The following RBFOX1 variants were observed in gnomAD, a reference collection of about 807,000 sequenced individuals.
The protein encoded by RBFOX1 is RNA binding protein fox-1 homolog 1.
RBFOX1 carries 8 observed loss-of-function variants against 57.7 expected under a neutral mutation model. The ratio of observed to expected loss-of-function variants is 0.14; its 90% confidence interval spans 0.08 to 0.25. The LOEUF is 0.25. Ranked by LOEUF, RBFOX1 falls within the 10% of genes least tolerant of loss-of-function variation. The pLI, the probability that RBFOX1 is intolerant of heterozygous loss-of-function variation, is 1.00. For missense variants in RBFOX1, 611 were observed against 548.5 expected (o/e 1.11, Z -1.14); for synonymous variants, 326 against 222.4 (o/e 1.47, Z -4.15).
At chr16:6,180,646 A>G (rs4786832) in intron 1 of RBFOX1, among the ~76,000 whole-genome samples, 64,540 of 151,258 alleles carry the variant, frequency 0.43, 14,011 homozygotes, top group Admixed American at 0.51. Context: ...GCTCACTGCA[A>G]TCTCCACCTC....
At chr16:5,990,411 A>G (rs1472204882) in intron 4 of RBFOX1, among the ~76,000 whole-genome samples, 3 of 152,232 alleles carry the variant, frequency 2.0e-5, no homozygotes, top group African/African-American at 7.2e-5. Context: ...CATTTCAAGT[A>G]CGTGTTATGA....
intron 1 of RBFOX1, among the ~76,000 whole-genome samples, chr16:6,250,110 T>G (rs12448369): frequency 6.6e-6 from 1 of 152,096 alleles, no homozygotes; most frequent in Non-Finnish European, 1.5e-5. Flanking sequence ...GCATGCTGGT[T>G]CAGCTCTGTG....
At chr16:7,300,210 C>G (rs1164895869) in intron 4 of RBFOX1, among the ~76,000 whole-genome samples, 1 of 152,136 alleles carries the variant, frequency 6.6e-6, no homozygotes, top group Non-Finnish European at 1.5e-5. Flanking sequence ...TACTTACTTT[C>G]TGCTGCCCCT....
intron 2 of RBFOX1, among the ~76,000 whole-genome samples, chr16:6,448,008 G>T (rs139404530): frequency 6.6e-6 from 1 of 151,968 alleles, no homozygotes; most frequent in East Asian, 1.9e-4. Flanking sequence ...ATAACTTTAA[G>T]CATGGTAGTT....
At chr16:7,322,016 T>C (rs1350546866) in intron 4 of RBFOX1, among the ~76,000 whole-genome samples, 1 of 152,252 alleles carries the variant, frequency 6.6e-6, no homozygotes, top group Non-Finnish European at 1.5e-5. Flanking sequence ...AAAACTAGGC[T>C]GTATAGTCTC....
intron 3 of RBFOX1, among the ~76,000 whole-genome samples, chr16:7,013,365 T>G (rs2093743824): frequency 6.6e-6 from 1 of 152,160 alleles, no homozygotes. Flanking sequence ...CCCTCTCACT[T>G]GAAGGAAAAA....
chr16:5,401,287 A>G (rs1567452849), intron 1 of RBFOX1, among the ~76,000 whole-genome samples: 1 of 152,226 alleles, frequency 6.6e-6, no homozygotes, highest in Non-Finnish European at 1.5e-5. Context: ...TCCCATAAAT[A>G]TACAAGTTCC....
intron 5 of RBFOX1, among the ~76,000 whole-genome samples, chr16:7,556,259 T>G (rs1299023591): frequency 1.3e-5 from 2 of 152,174 alleles, no homozygotes; most frequent in Non-Finnish European, 2.9e-5. Context: ...GATTCGAACT[T>G]GCATCTCCCA....
intron 1 of RBFOX1, among the ~76,000 whole-genome samples, chr16:5,377,616 C>CAGAG (rs145559003): frequency 6.7e-6 from 1 of 149,974 alleles, no homozygotes; most frequent in Non-Finnish European, 1.5e-5. Context: ...AAGAGAGAGA[C>CAGAG]AGAGAGAGAG....
intron 4 of RBFOX1, among the ~76,000 whole-genome samples, chr16:7,284,904 C>G (rs2095618491): frequency 6.6e-6 from 1 of 152,084 alleles, no homozygotes; most frequent in Non-Finnish European, 1.5e-5. Flanking sequence ...CATGCACACT[C>G]TTTCTTACAT....
At chr16:5,522,668 C>T (rs529110805) in intron 2 of RBFOX1, among the ~76,000 whole-genome samples, 1 of 152,170 alleles carries the variant, frequency 6.6e-6, no homozygotes, top group African/African-American at 2.4e-5. Context: ...TAACCAGTCT[C>T]TCTCATCTCT....
rs536997493 is a variant in RBFOX1 at position 7,265,637 on chromosome 16, C to T, written c.27+213539C>T. On this transcript the variant is annotated intron_variant, in intron 4 of 15. Transcript: ENST00000550418. ...CTAATTTTTGTATTTTTAGTAGAGA[C>T]GAGTCTTCGCCATATTGGCCAGGCC... Among the ~76,000 whole-genome samples the T allele has an allele frequency of 1.1e-4, 17 of 151,958 alleles. No homozygotes were observed. The South Asian group carries it at 3.5e-3, about 32-fold the overall frequency.
intron 14 of RBFOX1, among the ~76,000 whole-genome samples, chr16:7,692,750 A>G (rs554228033): frequency 6.6e-6 from 1 of 152,180 alleles, no homozygotes; most frequent in Non-Finnish European, 1.5e-5. Flanking sequence ...TTAATACTGC[A>G]TCATTAAAAA....
At chr16:6,571,582 C>T (rs17140635) in intron 2 of RBFOX1, among the ~76,000 whole-genome samples, 5,166 of 152,098 alleles carry the variant, frequency 0.034, 300 homozygotes, top group African/African-American at 0.12. Context: ...ACATCAAGGA[C>T]CTGTTGCTTG....
rs538476378 is a variant in RBFOX1 at position 7,450,210 on chromosome 16, G to T, written c.28-67937G>T. On this transcript the variant is annotated intron_variant, in intron 4 of 15. Coordinates refer to ENST00000550418, the MANE Select transcript of RBFOX1 (RefSeq NM_018723.4). ...GGGGATCGAGATCATCCTGGCCAAT[G>T]TGGTGAAACCCCATCTGTAATAAAA... Among the ~76,000 whole-genome samples the T allele has an allele frequency of 5.9e-5, 9 of 152,126 alleles. No individual in the cohort carries two copies. The South Asian group carries it at 1.9e-3, about 32-fold the overall frequency.
chr16:6,669,279 A>G (rs993832891), intron 3 of RBFOX1, among the ~76,000 whole-genome samples: 2 of 152,172 alleles, frequency 1.3e-5, no homozygotes, highest in Non-Finnish European at 1.5e-5. Flanking sequence ...GCGTTTGTCT[A>G]TCACATGAAC....
chr16:7,506,578 C>A (rs2073374577), intron 4 of RBFOX1, among the ~76,000 whole-genome samples: 1 of 137,098 alleles, frequency 7.3e-6, no homozygotes, highest in African/African-American at 2.9e-5. Flanking sequence ...TTACCATCAC[C>A]TTCATCATCA....
intron 4 of RBFOX1, among the ~76,000 whole-genome samples, chr16:7,186,622 TTATA>T (rs533750418): frequency 0.019 from 2,722 of 143,496 alleles, 52 homozygotes; most frequent in Non-Finnish European, 0.027. Context: ...ATAAACATAT[TTATA>T]TAAATATAAT....
intron 4 of RBFOX1, among the ~76,000 whole-genome samples, chr16:7,124,502 TCCCC>T (rs1567351027): frequency 1.8e-3 from 146 of 79,500 alleles, no homozygotes; most frequent in African/African-American, 6.9e-3. Flanking sequence ...CCTTCCTCGC[TCCCC>T]CTCCCCTCCC....
Sources: allele counts gnomAD v4.1 joint callset (sites outside exome capture counted in the v4.1 genomes callset), GRCh38; gene constraint gnomAD v4.1.1; transcripts MANE v1.5; gene names NCBI Gene and HGNC (gene_info 2026-07-23, HGNC 2026-07-21).